The following CINP variants were observed in gnomAD, a reference collection of about 807,000 sequenced individuals.
CINP encodes cyclin-dependent kinase 2-interacting protein.
A neutral mutation model predicts 20.5 loss-of-function variants in CINP; 11 were observed. The observed-to-expected ratio is 0.54, with a 90% CI of 0.34 to 0.89. The LOEUF is 0.89. Among genes scored for constraint, CINP ranks in the 40% least tolerant of loss-of-function variants. The pLI is 0.02. For missense variants in CINP, 213 were observed against 251.0 expected (o/e 0.85, Z 1.02); for synonymous variants, 108 against 102.1 (o/e 1.06, Z -0.35).
At chr14:102,362,579 G>A (rs762866932) in intron 1 of CINP, 28 of 705,042 alleles carry the variant, frequency 4.0e-5, no homozygotes, top group South Asian at 3.8e-4. Flanking sequence ...ATTACAATTT[G>A]GATGTCGGAT....
At chr14:102,358,043 G>A (rs1309150262) in intron 2 of CINP, among the ~76,000 whole-genome samples, 1 of 152,210 alleles carries the variant, frequency 6.6e-6, no homozygotes, top group African/African-American at 2.4e-5. Context: ...CCTTAAGAAT[G>A]ATGTTAAATC....
At chr14:102,354,584 C>A (rs890602983) in intron 3 of CINP, among the ~76,000 whole-genome samples, 12 of 151,860 alleles carry the variant, frequency 7.9e-5, no homozygotes, top group African/African-American at 2.9e-4. Context: ...TGGTGAAACC[C>A]CATCTCTACT....
chr14:102,360,599 T>G (rs1887118617), intron 1 of CINP, among the ~76,000 whole-genome samples: 1 of 152,346 alleles, frequency 6.6e-6, no homozygotes, highest in Admixed American at 6.5e-5. Flanking sequence ...CTCAACATTT[T>G]CATCTGTAAA....
intron 3 of CINP, among the ~76,000 whole-genome samples, chr14:102,353,137 C>CA (rs532432783): frequency 3.1e-3 from 377 of 123,540 alleles, no homozygotes; most frequent in Middle Eastern, 8.5e-3. Context: ...AACTCCATCT[C>CA]AAAAAAAAAA....
intron 4 of CINP, 107 bp from the exon 5 acceptor site, chr14:102,348,866 C>A: frequency 9.9e-7 from 1 of 1,006,468 alleles, no homozygotes; most frequent in Non-Finnish European, 1.5e-6. Flanking sequence ...GAATCAGCAA[C>A]AGCACTGAGG....
chr14:102,359,227 A>AATAAATATAT (rs1555446396), intron 2 of CINP, among the ~76,000 whole-genome samples, 192 bp downstream of exon 2: 3 of 115,424 alleles, frequency 2.6e-5, no homozygotes, highest in African/African-American at 6.3e-5. Flanking sequence ...TAAATAACTA[A>AATAAATATAT]ATATATATAT....
At chr14:102,361,588 C>T (rs1330805700) in intron 1 of CINP, among the ~76,000 whole-genome samples, 1 of 150,370 alleles carries the variant, frequency 6.7e-6, no homozygotes, top group Non-Finnish European at 1.5e-5. Context: ...TTGCAGTGAG[C>T]CCAGATCGCG....
chr14:102,348,447 C>T lies in CINP; in HGVS notation c.*110G>A, dbSNP rs1285818773. 1 of 860,232 alleles carries T rather than the reference C, an allele frequency of 1.2e-6. No homozygotes were observed. The highest frequency in any genetic ancestry group is 2.8e-5 in the East Asian group (1 of 35,544). 53.3% of individuals were successfully genotyped at this position (860,232 alleles called of 1,614,324 possible). A position where few individuals can be genotyped will look rare whatever the true frequency, so the allele number is the denominator to read the frequency against. On this transcript the variant is annotated 3_prime_UTR_variant, in exon 5 of 5. Transcript: ENST00000216756. Reference sequence around the variant, plus strand: ...TGGTGACAAGCTCTGGCCAGAAGACCCCAAGGTCTGATCCTGGGGTCTGAT... The same window carrying T: ...TGGTGACAAGCTCTGGCCAGAAGACTCCAAGGTCTGATCCTGGGGTCTGAT...
intron 1 of CINP, among the ~76,000 whole-genome samples, chr14:102,360,154 C>T (rs890108492): frequency 2.6e-5 from 4 of 152,250 alleles, no homozygotes; most frequent in Admixed American, 6.5e-5. Flanking sequence ...CACATCATCA[C>T]GTACATCAAC....
intron 4 of CINP, 77 bp from the exon 5 acceptor site, chr14:102,348,836 C>G: frequency 7.3e-7 from 1 of 1,366,180 alleles, no homozygotes; most frequent in African/African-American, 1.4e-5. Context: ...TACATTTTAA[C>G]AGCTCTTGAT....
intron 1 of CINP, 32 bp downstream of exon 1, chr14:102,362,813 C>T (rs2139639299): frequency 1.2e-6 from 2 of 1,613,810 alleles, no homozygotes; most frequent in Non-Finnish European, 1.7e-6. Flanking sequence ...TCACAGCCAC[C>T]CCACCCCGGG....
intron 3 of CINP, among the ~76,000 whole-genome samples, chr14:102,352,095 C>T (rs188708312): frequency 2.6e-5 from 4 of 152,238 alleles, no homozygotes; most frequent in Admixed American, 6.5e-5. Flanking sequence ...ACTGTGTTAG[C>T]CAGGATGGTC....
chr14:102,361,912 G>C (rs1887172538), intron 1 of CINP, among the ~76,000 whole-genome samples: 1 of 152,186 alleles, frequency 6.6e-6, no homozygotes, highest in Non-Finnish European at 1.5e-5. Flanking sequence ...CACTAGATAT[G>C]TGGTACACCC....
intron 4 of CINP, among the ~76,000 whole-genome samples, chr14:102,349,620 C>T (rs1040247479): frequency 4.6e-5 from 7 of 152,144 alleles, no homozygotes; most frequent in Non-Finnish European, 8.8e-5. Context: ...CCTTTCCCCC[C>T]CTCAAAATGA....
At chr14:102,356,949 T>C (rs1413486180) in intron 2 of CINP, among the ~76,000 whole-genome samples, 2 of 152,204 alleles carry the variant, frequency 1.3e-5, no homozygotes, top group Admixed American at 1.3e-4. Context: ...TAGCCCTACA[T>C]TGGCCTCTAA....
Position 102,355,767 on chromosome 14 carries a change from C to G in CINP, c.306+1G>C. On this transcript the variant is annotated splice_donor_variant, in intron 3 of 4. Transcript: ENST00000216756. LOFTEE classifies it high-confidence loss of function. ...AAGTGGCCTGCGTCTTTATGTCTTA[C>G]CAACCCATCCAAGGTGGCCTGCAGT... The G allele has an allele frequency of 6.2e-7, 1 of 1,613,822 alleles. No homozygotes were observed. Among genetic ancestry groups the G allele is most frequent in the Non-Finnish European group, 8.5e-7 (1 of 1,179,848 alleles).
At chr14:102,358,798 A>G (rs1006284489) in intron 2 of CINP, among the ~76,000 whole-genome samples, 1 of 152,242 alleles carries the variant, frequency 6.6e-6, no homozygotes, top group African/African-American at 2.4e-5. Context: ...AGTTTTTTCC[A>G]TATCAGCTAG....
intron 2 of CINP, among the ~76,000 whole-genome samples, chr14:102,357,296 T>C (rs530181200): frequency 6.7e-6 from 1 of 148,506 alleles, no homozygotes; most frequent in East Asian, 2.0e-4. Flanking sequence ...GCAGGAGAAT[T>C]GCTTGAACCC....
chr14:102,361,514 G>T (rs1358872413), intron 1 of CINP, among the ~76,000 whole-genome samples: 3 of 151,774 alleles, frequency 2.0e-5, no homozygotes, highest in African/African-American at 4.8e-5. Context: ...GGTGGCGGGC[G>T]CCTGTAGTCC....
Sources: gnomAD v4.1 joint callset for allele counts (sites outside exome capture counted in the v4.1 genomes callset) on GRCh38, gnomAD v4.1.1 for gene constraint, MANE v1.5 for transcripts, NCBI Gene and HGNC (gene_info 2026-07-23, HGNC 2026-07-21) for gene names.